The following LDHC variants were observed in gnomAD, a reference collection of about 807,000 sequenced individuals.
The protein encoded by LDHC is lactate dehydrogenase C.
A neutral mutation model predicts 30.2 loss-of-function variants in LDHC; 20 were observed. The ratio of observed to expected loss-of-function variants is 0.66; its 90% CI spans 0.47 to 0.96. The LOEUF is 0.96. LDHC is among the 40% of genes least tolerant of loss of function. The pLI is 0.00. For missense variants in LDHC, 362 were observed against 394.9 expected (o/e 0.92, Z 0.71); for synonymous variants, 139 against 132.7 (o/e 1.05, Z -0.32).
At chr11:18,418,760 T>C (rs1279316451) in intron 3 of LDHC, among the ~76,000 whole-genome samples, 1 of 152,170 alleles carries the variant, frequency 6.6e-6, no homozygotes, top group Non-Finnish European at 1.5e-5. Flanking sequence ...TATTCAACTT[T>C]CAATTTCTAA....
intron 3 of LDHC, among the ~76,000 whole-genome samples, chr11:18,429,116 C>CTTTTTTTTTTT (rs36038254): frequency 3.2e-5 from 3 of 93,924 alleles, no homozygotes; most frequent in Non-Finnish European, 5.8e-5. Context: ...TCATTTTGGT[C>CTTTTTTTTTTT]TTTTTTTTTT....
chr11:18,416,560 C>G (rs1390001745), intron 3 of LDHC, among the ~76,000 whole-genome samples: 2 of 152,144 alleles, frequency 1.3e-5, no homozygotes, highest in Non-Finnish European at 2.9e-5. Context: ...CATTTTATAT[C>G]GACCTAAAAC....
chr11:18,449,681 A>G (rs1848621663), intron 7 of LDHC, among the ~76,000 whole-genome samples: 1 of 152,136 alleles, frequency 6.6e-6, no homozygotes, highest in South Asian at 2.1e-4. Flanking sequence ...TACCAAAATG[A>G]GGGAGCTGGA....
At chr11:18,415,353 A>C in intron 3 of LDHC, 52 bp downstream of exon 3, 4 of 925,048 alleles carry the variant, frequency 4.3e-6, no homozygotes, top group Non-Finnish European at 6.9e-6. Flanking sequence ...AAAAGTAATA[A>C]ATTTTACCAA....
chr11:18,438,463 A>G, intron 5 of LDHC, 65 bp from the exon 6 acceptor site: 1 of 1,033,888 alleles, frequency 9.7e-7, no homozygotes, highest in Non-Finnish European at 1.5e-6. Context: ...AAAAAACAAC[A>G]CTGAACTCAA....
At chr11:18,431,141 CA>C (rs71457898) in intron 4 of LDHC, among the ~76,000 whole-genome samples, 18 of 145,392 alleles carry the variant, frequency 1.2e-4, no homozygotes, top group African/African-American at 2.5e-4. Context: ...CCAAAGCAAA[CA>C]AAAAAAAAAC....
Position 18,434,678 on chromosome 11 carries a change from G to GA in LDHC, c.419-52dup, listed in dbSNP as rs142658881. ...TAAAACAATTCATCTATGTATTCAG[G>GA]AAAAAAAAAATTTTTTTAAGTTATG... On this transcript the variant is annotated intron_variant, in intron 4 of 7. Transcript: ENST00000541669. The GA allele has an allele frequency of 2.2e-3, 2,163 of 980,162 alleles. 4 individuals are homozygous for GA. The highest frequency in any genetic ancestry group is 2.8e-3 in the Non-Finnish European group (1,799 of 634,230). 60.7% of individuals were successfully genotyped at this position (980,162 alleles called of 1,614,324 possible). A position where few individuals can be genotyped will look rare whatever the true frequency, so the allele number is the denominator to read the frequency against.
intron 5 of LDHC, among the ~76,000 whole-genome samples, chr11:18,436,628 G>T (rs971795265): frequency 2.6e-5 from 4 of 151,334 alleles, no homozygotes; most frequent in South Asian, 4.2e-4. Context: ...CTGGGATTAC[G>T]GGCATGCACC....
At chr11:18,444,252 T>A (rs1349589782) in intron 6 of LDHC, among the ~76,000 whole-genome samples, 1 of 152,198 alleles carries the variant, frequency 6.6e-6, no homozygotes, top group African/African-American at 2.4e-5. Context: ...GGATTATGTT[T>A]TTAGCTATTC....
intron 6 of LDHC, among the ~76,000 whole-genome samples, chr11:18,445,598 A>T (rs1418749421): frequency 6.6e-6 from 1 of 152,206 alleles, no homozygotes; most frequent in Non-Finnish European, 1.5e-5. Context: ...AAATATTAAA[A>T]GCTAGTTTCA....
In LDHC at chr11:18,412,415, C is replaced by T. The variant is rs1866907366; in HGVS notation, c.-10+7C>T. On this transcript the variant is annotated splice_region_variant and intron_variant, in intron 1 of 7. Coordinates refer to ENST00000541669, the MANE Select transcript of LDHC (RefSeq NM_017448.5). Reference sequence around the variant, plus strand: ...TCTGTGCCTTCCTTCAAAGGTGGTGCTTTGTCCCTGTGGGTCATCTGTACT... The same window carrying T: ...TCTGTGCCTTCCTTCAAAGGTGGTGTTTTGTCCCTGTGGGTCATCTGTACT... 8.5e-5 allele frequency: 20 copies of T among 234,812 alleles called. 1 individual carries two copies. In the South Asian group the frequency reaches 1.4e-3, roughly 16 times the overall value. The allele number at this position is 234,812 out of a possible 1,614,324, so 14.5% of individuals were successfully genotyped here. A position where few individuals can be genotyped will look rare whatever the true frequency, so the allele number is the denominator to read the frequency against.
intron 3 of LDHC, among the ~76,000 whole-genome samples, chr11:18,427,327 C>T (rs1256794294): frequency 6.6e-6 from 1 of 152,172 alleles, no homozygotes; most frequent in African/African-American, 2.4e-5. Context: ...TGCACTCCAG[C>T]TTGGGCGACA....
chr11:18,446,261 G>C lies in LDHC; in HGVS notation c.762G>C (p.Leu254=), dbSNP rs1338721199. 1 of 1,598,652 alleles carries C rather than the reference G, an allele frequency of 6.3e-7. No homozygotes were observed. The highest frequency in any genetic ancestry group is 8.6e-7 in the Non-Finnish European group (1 of 1,166,200). ...LKGYTSWAIG[L]SVMDLVGSIL... ...GGTATACCTCTTGGGCTATTGGACT[G>C]TCTGTGATGGATTTGGTAGGATCCA... Residue 254 remains leucine, a synonymous_variant, in exon 7 of 8, where the codon CTG becomes CTC. Coordinates refer to ENST00000541669, the MANE Select transcript of LDHC (RefSeq NM_017448.5).
At chr11:18,436,482 T>A (rs374146119) in intron 5 of LDHC, among the ~76,000 whole-genome samples, 436 of 4,374 alleles carry the variant, frequency 0.1, 8 homozygotes, top group African/African-American at 0.18. Flanking sequence ...TAATACAAAG[T>A]TTTTTTTTTT....
chr11:18,425,771 C>T (rs1848150517), intron 3 of LDHC, among the ~76,000 whole-genome samples: 1 of 151,382 alleles, frequency 6.6e-6, no homozygotes, highest in Admixed American at 6.6e-5. Context: ...AACCCCTTCT[C>T]TACTAAAAAT....
At chr11:18,443,460 CTTTTTT>C (rs34546967) in intron 6 of LDHC, among the ~76,000 whole-genome samples, 2 of 135,754 alleles carry the variant, frequency 1.5e-5, no homozygotes, top group East Asian at 4.3e-4. Context: ...TTCTTTCTTT[CTTTTTT>C]TTTTTTTTTT....
At chr11:18,416,476 C>T (rs1449358908) in intron 3 of LDHC, among the ~76,000 whole-genome samples, 1 of 152,172 alleles carries the variant, frequency 6.6e-6, no homozygotes, top group African/African-American at 2.4e-5. Flanking sequence ...ACTAGAAGCC[C>T]TCTTATCTAA....
chr11:18,445,313 C>G (rs1424238682), intron 6 of LDHC, among the ~76,000 whole-genome samples: 1 of 152,066 alleles, frequency 6.6e-6, no homozygotes, highest in East Asian at 1.9e-4. Flanking sequence ...CTCAGCCTCT[C>G]CAGTAGCTGG....
At chr11:18,430,651 T>G (rs1476799058) in intron 4 of LDHC, among the ~76,000 whole-genome samples, 1 of 152,234 alleles carries the variant, frequency 6.6e-6, no homozygotes, top group East Asian at 1.9e-4. Flanking sequence ...TGTGAGCCAC[T>G]GCACCCAGCC....
Sources: gnomAD v4.1 joint callset for allele counts (sites outside exome capture counted in the v4.1 genomes callset) on GRCh38, gnomAD v4.1.1 for gene constraint, MANE v1.5 for transcripts, NCBI Gene and HGNC (gene_info 2026-07-23, HGNC 2026-07-21) for gene names.